LGALS8: variants seen among roughly 807,000 people sequenced by gnomAD.
LGALS8 encodes the protein galectin-8.
LGALS8 carries 30 observed loss-of-function variants against 35.9 expected under a neutral mutation model. The observed-to-expected ratio is 0.83, with a 90% CI of 0.62 to 1.13. The LOEUF (loss-of-function observed/expected upper bound fraction) is 1.13. Among genes scored for constraint, LGALS8 ranks in the 50% most tolerant of loss-of-function variants. The probability of loss-of-function intolerance (pLI) is 0.00; values close to 1 mark genes in which losing one functional copy is unlikely to be tolerated. For synonymous variants in LGALS8, 138 were observed against 136.1 expected (o/e 1.01, Z -0.10); for missense variants, 366 against 388.7 (o/e 0.94, Z 0.49).
intron 4 of LGALS8, chr1:236,539,362 G>A (rs1661802924): frequency 2.3e-6 from 1 of 432,670 alleles, no homozygotes; most frequent in South Asian, 2.4e-5. Context: ...GCTGAGTTCC[G>A]AATTGACACA....
intron 2 of LGALS8, among the ~76,000 whole-genome samples, chr1:236,535,255 C>G (rs1409978036): frequency 2.6e-5 from 4 of 151,722 alleles, no homozygotes; most frequent in Non-Finnish European, 4.4e-5. Context: ...CCCATGAAAA[C>G]TATTGTTATC....
At position 236,552,383 on chromosome 1, in the gene LGALS8, T is replaced by TA. The variant is rs1216168538; in HGVS notation, c.*4230dup. The TA allele has an allele frequency of 1.3e-4, 28 of 208,212 alleles. No individual in the cohort carries two copies. The highest frequency in any genetic ancestry group is 1.8e-4 in the Non-Finnish European group (19 of 105,176). The allele number at this position is 208,212 out of a possible 1,614,324, so 12.9% of individuals were successfully genotyped here. On this transcript the variant is annotated 3_prime_UTR_variant, in exon 10 of 10. Coordinates refer to ENST00000366584, the MANE Select transcript of LGALS8 (RefSeq NM_201544.4). ...AATGTCTTTTTATAATCTCTTCCTT[T>TA]AAAAAAAACCAATAAAATAAAATGC...
In LGALS8 at chr1:236,537,488, T is replaced by G. The variant is rs1661615590; in HGVS notation, c.46-9T>G. 1 of 1,548,754 alleles carries G rather than the reference T, an allele frequency of 6.5e-7. No individual in the cohort carries two copies. The highest frequency in any genetic ancestry group is 1.3e-5 in the African/African-American group (1 of 74,330). ...TGTAAACGTACATTTGTTAAATTTT[T>G]TTTCTTAGGTAATCCCGTTTGTTGG... On this transcript the variant is annotated splice_polypyrimidine_tract_variant and intron_variant, in intron 2 of 9. Coordinates refer to ENST00000366584, the MANE Select transcript of LGALS8 (RefSeq NM_201544.4).
chr1:236,540,175 CAG>C (rs753436442), intron 4 of LGALS8: 3 of 181,034 alleles, frequency 1.7e-5, no homozygotes, highest in Non-Finnish European at 3.4e-5. Context: ...TCTCCAGGGA[CAG>C]TGTTGTGGGG....
chr1:236,524,260 C>T (rs989676529), intron 1 of LGALS8, 199 bp downstream of exon 1: 2 of 455,964 alleles, frequency 4.4e-6, no homozygotes, highest in South Asian at 3.1e-5. Context: ...GGGGACGCTG[C>T]CTCTGCAGGC....
At chr1:236,537,928 C>CCCA (rs1483035349) in intron 3 of LGALS8, among the ~76,000 whole-genome samples, 7 of 89,620 alleles carry the variant, frequency 7.8e-5, no homozygotes, top group Admixed American at 3.2e-4. Context: ...TGAGACCCCC[C>CCCA]ATCTGTAAAA....
chr1:236,546,580 G>A (rs969110025), intron 9 of LGALS8, among the ~76,000 whole-genome samples: 1 of 152,146 alleles, frequency 6.6e-6, no homozygotes, highest in Non-Finnish European at 1.5e-5. Flanking sequence ...TGGTTGTGAG[G>A]GATTCTGTTG....
chr1:236,550,750 TG>T lies in LGALS8; in HGVS notation c.*2593del, dbSNP rs1486324980. ...GGCTTATGTGGCAGCACAAGCCAGGTGGGGATTTTGTAAAGAAGTGATAAAA... is the reference window on the plus strand; with the variant it reads ...GGCTTATGTGGCAGCACAAGCCAGGTGGGATTTTGTAAAGAAGTGATAAAA... On this transcript the variant is annotated 3_prime_UTR_variant, in exon 10 of 10. Transcript: ENST00000366584. 4.6e-5 allele frequency: 27 copies of T among 591,186 alleles called. No individual in the cohort carries two copies. Among genetic ancestry groups the T allele is most frequent in the South Asian group, 2.4e-5 (1 of 42,482 alleles). The allele number at this position is 591,186 out of a possible 1,614,324, so 36.6% of individuals were successfully genotyped here.
At chr1:236,540,335 T>TG (rs113975932) in intron 4 of LGALS8, 5,080 of 440,198 alleles carry the variant, frequency 0.012, 212 homozygotes, top group African/African-American at 0.091. Flanking sequence ...CCTGTTTGTC[T>TG]GGGGAGAGAC....
At chr1:236,521,966 TGCA>T (rs1201466540), upstream of LGALS8, among the ~76,000 whole-genome samples, 1 of 152,210 alleles carries the variant, frequency 6.6e-6, no homozygotes, top group Non-Finnish European at 1.5e-5. Flanking sequence ...ATTAGGATAC[TGCA>T]GTAATAATGT....
chr1:236,537,250 C>T (rs538888068), intron 2 of LGALS8, among the ~76,000 whole-genome samples: 1 of 151,968 alleles, frequency 6.6e-6, no homozygotes, highest in East Asian at 1.9e-4. Flanking sequence ...CTGCTGACCT[C>T]GTGATCCTCC....
intron 2 of LGALS8, among the ~76,000 whole-genome samples, chr1:236,533,020 GCAGT>G (rs1201784254): frequency 1.3e-5 from 2 of 152,198 alleles, no homozygotes; most frequent in East Asian, 3.8e-4. Context: ...GCTTATGGCA[GCAGT>G]CAGTCACCCA....
chr1:236,542,983 G>C, intron 7 of LGALS8, 196 bp downstream of exon 7: 1 of 1,614,108 alleles, frequency 6.2e-7, no homozygotes, highest in Non-Finnish European at 8.5e-7. Context: ...GCAAAGATTC[G>C]ACTGTCAATC....
chr1:236,541,243 T>C (rs1661971849), intron 5 of LGALS8: 1 of 170,436 alleles, frequency 5.9e-6, no homozygotes, highest in African/African-American at 2.4e-5. Flanking sequence ...CCTAGGTGTG[T>C]AGTTGGCAGT....
chr1:236,545,362 A>G (rs1010438386), intron 9 of LGALS8, among the ~76,000 whole-genome samples: 5 of 152,196 alleles, frequency 3.3e-5, no homozygotes, highest in African/African-American at 1.2e-4. Context: ...TCAAGGAAAA[A>G]TACATCAGTC....
At chr1:236,519,639 C>A (rs377705271), upstream of LGALS8, among the ~76,000 whole-genome samples, 1 of 152,220 alleles carries the variant, frequency 6.6e-6, no homozygotes, top group African/African-American at 2.4e-5. Flanking sequence ...CTCCTCTCCA[C>A]GGATCATTCA....
At chr1:236,542,629 G>A in intron 6 of LGALS8, 132 bp from the exon 7 acceptor site, 6 of 872,602 alleles carry the variant, frequency 6.9e-6, no homozygotes, top group Non-Finnish European at 1.2e-5. Flanking sequence ...CAGCTGCCTG[G>A]AGGTCACACC....
chr1:236,532,775 C>T (rs1043565852), intron 2 of LGALS8, among the ~76,000 whole-genome samples: 3 of 152,056 alleles, frequency 2.0e-5, no homozygotes, highest in Non-Finnish European at 2.9e-5. Flanking sequence ...ACCCGGGAGG[C>T]GGAGATTGCA....
upstream of LGALS8, among the ~76,000 whole-genome samples, chr1:236,520,939 G>A (rs548226874): frequency 7.9e-5 from 12 of 152,346 alleles, no homozygotes; most frequent in South Asian, 2.3e-3. Flanking sequence ...TCATATGGCT[G>A]TTTCCTTTCT....
Sources: gnomAD v4.1 joint callset for allele counts (sites outside exome capture counted in the v4.1 genomes callset) on GRCh38, gnomAD v4.1.1 for gene constraint, MANE v1.5 for transcripts, NCBI Gene and HGNC (gene_info 2026-07-23, HGNC 2026-07-21) for gene names.